NAA30: variants seen among roughly 807,000 people sequenced by gnomAD.
NAA30 encodes N-alpha-acetyltransferase 30.
In NAA30, 5 loss-of-function variants were observed where a neutral mutation model predicts 31.4. The observed-to-expected ratio is 0.16, with a 90% CI of 0.08 to 0.33. NAA30 has a LOEUF of 0.33. Among genes scored for constraint, NAA30 ranks in the 10% least tolerant of loss-of-function variants. The pLI is 1.00. For synonymous variants in NAA30, 222 were observed against 207.1 expected (o/e 1.07, Z -0.62); for missense variants, 428 against 490.8 (o/e 0.87, Z 1.21).
chr14:57,390,834 C>G, intron 1 of NAA30, 123 bp from the exon 2 acceptor site: 1 of 939,324 alleles, frequency 1.1e-6, no homozygotes, highest in Non-Finnish European at 1.5e-6. Flanking sequence ...GGGGGCAGCT[C>G]CGTGAGGGAC....
chr14:57,393,574 A>G (rs567754563), intron 2 of NAA30, among the ~76,000 whole-genome samples: 3 of 152,298 alleles, frequency 2.0e-5, no homozygotes, highest in African/African-American at 7.2e-5. Context: ...ATGTCTGTTT[A>G]TTTTAAATCA....
At chr14:57,398,294 G>T (rs1179604257) in intron 3 of NAA30, among the ~76,000 whole-genome samples, 1 of 152,070 alleles carries the variant, frequency 6.6e-6, no homozygotes, top group East Asian at 1.9e-4. Flanking sequence ...GCATTAAAAA[G>T]CACTGATAAG....
chr14:57,394,826 A>G (rs1269847418), intron 2 of NAA30, among the ~76,000 whole-genome samples: 1 of 151,916 alleles, frequency 6.6e-6, no homozygotes, highest in African/African-American at 2.4e-5. Flanking sequence ...TCATTTTTGG[A>G]TAGTTTTATA....
chr14:57,399,007 G>A (rs1287277786), intron 3 of NAA30, among the ~76,000 whole-genome samples: 9 of 151,576 alleles, frequency 5.9e-5, no homozygotes, highest in South Asian at 2.1e-4. Context: ...GATTACAGGC[G>A]TGAGCCACCA....
Position 57,414,040 on chromosome 14 carries a change from A to G in NAA30, c.*4524A>G, listed in dbSNP as rs1015702721. The G allele has an allele frequency of 2.6e-5, 4 of 152,180 alleles. No homozygotes were observed. Among genetic ancestry groups the G allele is most frequent in the African/African-American group, 9.6e-5 (4 of 41,454 alleles). The allele number at this position is 152,180 out of a possible 1,614,324, so 9.4% of individuals were successfully genotyped here. ...AGTTAGCCACATGTGGCTTGTGGCT[A>G]CTGTATTGGACAGCAGAGCTTTAGA... On this transcript the variant is annotated 3_prime_UTR_variant, in exon 5 of 5. Transcript: ENST00000556492.
rs372759259 is a variant in NAA30, at chr14:57,409,373, T to C, written c.952-6T>C. 177 of 1,591,616 alleles carry C rather than the reference T, an allele frequency of 1.1e-4. No individual in the cohort carries two copies. The highest frequency in any genetic ancestry group is 1.5e-4 in the Non-Finnish European group (171 of 1,172,246). The stretch of plus-strand genomic sequence containing the variant: ...ATAACTTAGTTTTTTTCTCATTTCT[T>C]TGAAGGTTGTTTTGGAAACCGAAAT... On this transcript the variant is annotated splice_polypyrimidine_tract_variant and splice_region_variant and intron_variant, in intron 4 of 4. Coordinates refer to ENST00000556492, the MANE Select transcript of NAA30 (RefSeq NM_001011713.3).
chr14:57,414,362 G>A lies in NAA30; in HGVS notation c.*4846G>A, dbSNP rs2066538231. ...CCCCACCAACCACTGCCCTTGTTAT[G>A]TAGCCTTTCTGAGAAAAGCAGCCCT... On this transcript the variant is annotated 3_prime_UTR_variant, in exon 5 of 5. Coordinates refer to ENST00000556492, the MANE Select transcript of NAA30 (RefSeq NM_001011713.3). 6.6e-6 allele frequency: 1 copy of A among 152,192 alleles called. No homozygotes were observed. The highest frequency in any genetic ancestry group is 1.5e-5 in the Non-Finnish European group (1 of 68,042). 9.4% of individuals were successfully genotyped at this position (152,192 alleles called of 1,614,324 possible).
rs1051098560 is a variant in NAA30 at position 57,413,869 on chromosome 14, T to C, written c.*4353T>C. The C allele has an allele frequency of 2.6e-5, 4 of 152,228 alleles. No individual in the cohort carries two copies. The highest frequency in any genetic ancestry group is 7.2e-5 in the African/African-American group (3 of 41,456). 9.4% of individuals were successfully genotyped at this position (152,228 alleles called of 1,614,324 possible). A position where few individuals can be genotyped will look rare whatever the true frequency, so the allele number is the denominator to read the frequency against. The stretch of plus-strand genomic sequence containing the variant: ...ATAAGCATATAGCACTGCTACACTT[T>C]AGATCACTACTGTCCAGTCACACTT... On this transcript the variant is annotated 3_prime_UTR_variant, in exon 5 of 5. Coordinates refer to ENST00000556492, the MANE Select transcript of NAA30 (RefSeq NM_001011713.3).
Position 57,391,787 on chromosome 14 carries a change from G to T in NAA30, c.771+59G>T. 1.4e-6 allele frequency: 2 copies of T among 1,392,122 alleles called. No homozygotes were observed. The highest frequency in any genetic ancestry group is 1.3e-5 in the South Asian group (1 of 74,224). 86.2% of individuals were successfully genotyped at this position (1,392,122 alleles called of 1,614,324 possible). A position where few individuals can be genotyped will look rare whatever the true frequency, so the allele number is the denominator to read the frequency against. On this transcript the variant is annotated intron_variant, in intron 2 of 4. Coordinates refer to ENST00000556492, the MANE Select transcript of NAA30 (RefSeq NM_001011713.3). The surrounding 1 kb of genome is among the most constrained non-coding windows in gnomAD (Gnocchi z 4.1). Reference sequence around the variant, plus strand: ...GCAGTGATCGAGACTGTGCGGGGCAGGGAGTGAGGGCCCAGAATGTGGCAG... The same window carrying T: ...GCAGTGATCGAGACTGTGCGGGGCATGGAGTGAGGGCCCAGAATGTGGCAG...
Position 57,415,792 on chromosome 14 carries a change from A to ACCTC in NAA30, c.*6294_*6297dup, listed in dbSNP as rs937412149. The ACCTC allele has an allele frequency of 2.0e-5, 3 of 149,912 alleles. No individual in the cohort carries two copies. In the East Asian group the frequency reaches 5.8e-4, roughly 29 times the overall value. 9.3% of individuals were successfully genotyped at this position (149,912 alleles called of 1,614,324 possible). A position where few individuals can be genotyped will look rare whatever the true frequency, so the allele number is the denominator to read the frequency against. ...AACCTGCTGCCTTTATACTTTTGAC[A>ACCTC]CCTCCCTCCCTCCCTCCCTCCAAAC... On this transcript the variant is annotated 3_prime_UTR_variant, in exon 5 of 5. Coordinates refer to ENST00000556492, the MANE Select transcript of NAA30 (RefSeq NM_001011713.3).
Position 57,399,831 on chromosome 14 carries a change from C to T in NAA30, c.899C>T (p.Thr300Ile). 6.7e-7 allele frequency: 1 copy of T among 1,502,348 alleles called. No individual in the cohort carries two copies. The highest frequency in any genetic ancestry group is 9.2e-7 in the Non-Finnish European group (1 of 1,082,742). The allele number at this position is 1,502,348 out of a possible 1,614,324, so 93.1% of individuals were successfully genotyped here. ...DSKYRRNGIGTNLVKKAIYAM... is the reference protein window; with the variant it reads ...DSKYRRNGIGINLVKKAIYAM... ...AATACTCAGATCTATATTCTAGGTA[C>T]TAACTTGGTTAAGAAAGCTATATAT... The change falls in exon 4 of 5, where the codon ACT (threonine) becomes ATT (isoleucine). Residue 300 changes from threonine to isoleucine, a missense_variant. Thr to Ile is a moderately conservative substitution (Grantham distance 89). Transcript: ENST00000556492.
rs972990628 is a variant in NAA30 at position 57,391,138 on chromosome 14, T to G, written c.181T>G (p.Ser61Ala). ...GGSRSPAGGE[S>A]ATVAAKGHPC... ...CAGCAGGAGCCCGGCGGGCGGAGAGTCGGCGACGGTGGCGGCCAAGGGGCA... is the reference window on the plus strand; with the variant it reads ...CAGCAGGAGCCCGGCGGGCGGAGAGGCGGCGACGGTGGCGGCCAAGGGGCA... Residue 61 changes from serine to alanine, a missense_variant, in exon 2 of 5, where the codon TCG becomes GCG. Transcript: ENST00000556492. This position sits in a 1 kb window ranked among gnomAD's most constrained non-coding sequence, Gnocchi z 4.1. The G allele has an allele frequency of 1.9e-6, 3 of 1,574,164 alleles. No homozygotes were observed. Among genetic ancestry groups the G allele is most frequent in the Admixed American group, 1.9e-5 (1 of 53,968 alleles).
Position 57,390,957 on chromosome 14 carries a change from G to A in NAA30, c.-1G>A. On this transcript the variant is annotated splice_region_variant and 5_prime_UTR_variant, in exon 2 of 5. Coordinates refer to ENST00000556492, the MANE Select transcript of NAA30 (RefSeq NM_001011713.3). Reference sequence around the variant, plus strand: ...CCCTCTCGGTCTGTGTCGCTTCTAGGATGGCGGAGGTACCGCCTGGGCCTA... The same window carrying A: ...CCCTCTCGGTCTGTGTCGCTTCTAGAATGGCGGAGGTACCGCCTGGGCCTA... The A allele has an allele frequency of 6.8e-7, 1 of 1,477,106 alleles. No individual in the cohort carries two copies. The highest frequency in any genetic ancestry group is 8.9e-7 in the Non-Finnish European group (1 of 1,119,824). The allele number at this position is 1,477,106 out of a possible 1,614,324, so 91.5% of individuals were successfully genotyped here. A position where few individuals can be genotyped will look rare whatever the true frequency, so the allele number is the denominator to read the frequency against.
chr14:57,393,963 G>A (rs755368972), intron 2 of NAA30, among the ~76,000 whole-genome samples: 1 of 152,034 alleles, frequency 6.6e-6, no homozygotes, highest in Non-Finnish European at 1.5e-5. Context: ...TCAATCTCAA[G>A]AGATTAAAAA....
rs749641537 is a variant in NAA30, at chr14:57,391,045, C to T, written c.88C>T (p.Pro30Ser). Residue 30 changes from proline (P) to serine (S), a missense_variant, in exon 2 of 5, where the codon CCG (proline) becomes TCG (serine). By Grantham distance (74) the Pro-to-Ser change is moderately conservative. This residue lies in a region of NAA30 where 349 missense variants were observed against 310.4 expected (regional missense o/e 1.12). Coordinates refer to ENST00000556492, the MANE Select transcript of NAA30 (RefSeq NM_001011713.3). The surrounding 1 kb of genome is among the most constrained non-coding windows in gnomAD (Gnocchi z 4.1). ...GGCGGTCGAGCCCCGCTGTCCCTTC[C>T]CGGCGGGGGCCGCCCTCGCCTGCTG... is the stretch of plus-strand genomic sequence containing the variant. The part of the protein sequence containing the change: ...PAAVEPRCPF[P>S]AGAALACCSE... 6.6e-6 allele frequency: 10 copies of T among 1,511,682 alleles called. No individual in the cohort carries two copies. The African/African-American group carries it at 1.1e-4, about 17-fold the overall frequency. The allele number at this position is 1,511,682 out of a possible 1,614,324, so 93.6% of individuals were successfully genotyped here. A position where few individuals can be genotyped will look rare whatever the true frequency, so the allele number is the denominator to read the frequency against.
At position 57,413,227 on chromosome 14, in the gene NAA30, A is replaced by G. The variant is rs2066531470; in HGVS notation, c.*3711A>G. 6.7e-6 allele frequency: 1 copy of G among 149,810 alleles called. No individual in the cohort carries two copies. The highest frequency in any genetic ancestry group is 1.5e-5 in the Non-Finnish European group (1 of 67,590). The allele number at this position is 149,810 out of a possible 1,614,324, so 9.3% of individuals were successfully genotyped here. On this transcript the variant is annotated 3_prime_UTR_variant, in exon 5 of 5. Transcript: ENST00000556492. ...TTTAAATAGCTGTGAATACTTCTGT[A>G]TGTCAAGATTTTCGGATTTTAGTGG...
At chr14:57,396,456 A>G (rs1566548864) in intron 2 of NAA30, among the ~76,000 whole-genome samples, 1 of 152,000 alleles carries the variant, frequency 6.6e-6, no homozygotes, top group Non-Finnish European at 1.5e-5. Context: ...CCTCATATGT[A>G]ATCTTATAAA....
Position 57,396,867 on chromosome 14 carries a change from A to C in NAA30, c.887A>C (p.Asn296Thr). Reference protein sequence around the residue: ...MLAVDSKYRRNGIGTNLVKKA... With the variant: ...MLAVDSKYRRTGIGTNLVKKA... ...GCCGTGGATTCCAAATACAGGAGAA[A>C]TGGCATTGGTAAGAAAAATATTATT... Residue 296 changes from asparagine (N) to threonine (T), a missense_variant, in exon 3 of 5, where the codon AAT becomes ACT. Asn to Thr is a moderately conservative substitution (Grantham distance 65, BLOSUM62 0). Transcript: ENST00000556492. The C allele has an allele frequency of 6.2e-7, 1 of 1,613,746 alleles. No individual in the cohort carries two copies. The highest frequency in any genetic ancestry group is 8.5e-7 in the Non-Finnish European group (1 of 1,179,716).
chr14:57,400,003 T>C (rs1052139718), intron 4 of NAA30, 120 bp downstream of exon 4: 1 of 493,574 alleles, frequency 2.0e-6, no homozygotes. Flanking sequence ...AAATGCAGCT[T>C]GTGGGGAAAA....
Sources: gnomAD v4.1 joint callset for allele counts (sites outside exome capture counted in the v4.1 genomes callset) on GRCh38, gnomAD v4.1.1 for gene constraint, gnomAD v4.1.1 regional missense constraint, Gnocchi (gnomAD v3.1) non-coding constraint, MANE v1.5 for transcripts, NCBI Gene and HGNC (gene_info 2026-07-23, HGNC 2026-07-21) for gene names.